The following HUWE1 variants were observed in gnomAD, a reference collection of about 807,000 sequenced individuals.
HUWE1 encodes the protein E3 ubiquitin-protein ligase HUWE1.
Under a neutral mutation model 299.4 loss-of-function variants are expected in HUWE1, and 18 were observed. The ratio of observed to expected loss-of-function variants is 0.06; its 90% CI spans 0.04 to 0.09. The LOEUF (loss-of-function observed/expected upper bound fraction) is 0.09, where lower values mean the gene tolerates loss of function less well. Ranked by LOEUF, HUWE1 falls within the 10% of genes least tolerant of loss-of-function variation. The probability of loss-of-function intolerance (pLI) is 1.00; values close to 1 mark genes in which losing one functional copy is unlikely to be tolerated. For synonymous variants in HUWE1, 1,317 were observed against 1,286.1 expected (o/e 1.02, Z -0.51); for missense variants, 1,832 against 3,462.3 (o/e 0.53, Z 11.82).
chrX:53,533,965 C>A, intron 83 of HUWE1, 42 bp downstream of exon 83: 1 of 1,154,849 alleles, frequency 8.7e-7, no homozygotes, highest in Non-Finnish European at 1.2e-6. Flanking sequence ...TATGCAAGCT[C>A]AACCTAAGCA....
At chrX:53,607,811 G>C (rs893415238) in intron 24 of HUWE1, 112 bp from the exon 25 acceptor site, 1 of 520,205 alleles carries the variant, frequency 1.9e-6, no homozygotes, top group East Asian at 3.6e-5. Flanking sequence ...GTTTTCTATA[G>C]AGTATCAAAA....
chrX:53,584,569 ATCCCTAACCAC>A (rs1440984583), intron 40 of HUWE1, among the ~76,000 whole-genome samples: 1 of 111,390 alleles, frequency 9.0e-6, no homozygotes, highest in African/African-American at 3.3e-5. Flanking sequence ...AGCAAATACC[ATCCCTAACCAC>A]TCCCTAGCCC....
chrX:53,592,317 ATG>A, intron 33 of HUWE1, 79 bp downstream of exon 33: 2 of 661,766 alleles, frequency 3.0e-6, no homozygotes, highest in Non-Finnish European at 5.0e-6. Flanking sequence ...ACTCAGTGGT[ATG>A]TGAGCTTAGA....
intron 25 of HUWE1, among the ~76,000 whole-genome samples, chrX:53,605,770 A>C (rs1417270518): frequency 8.9e-6 from 1 of 111,993 alleles, no homozygotes; most frequent in Non-Finnish European, 1.9e-5. Context: ...TTTGATTTCT[A>C]TTACAAAGTT....
At chrX:53,603,306 C>G in intron 27 of HUWE1, 62 bp downstream of exon 27, 1 of 1,141,167 alleles carries the variant, frequency 8.8e-7, no homozygotes, top group South Asian at 1.9e-5. Flanking sequence ...CCAACCAAAG[C>G]AATCCTCCAG....
chrX:53,665,432 C>T (rs58643278), intron 3 of HUWE1, among the ~76,000 whole-genome samples: 1 of 111,986 alleles, frequency 8.9e-6, no homozygotes, highest in Non-Finnish European at 1.9e-5. Flanking sequence ...TATGCTTAAG[C>T]AAGGAAAATA....
intron 4 of HUWE1, 114 bp downstream of exon 4, chrX:53,653,949 T>G (rs954352690): frequency 8.6e-5 from 46 of 533,219 alleles, no homozygotes; most frequent in African/African-American, 8.1e-4. Flanking sequence ...GTTGTTTTAC[T>G]GCCTTTTGTA....
At chrX:53,656,767 G>A (rs1412140500) in intron 3 of HUWE1, among the ~76,000 whole-genome samples, 3 of 110,166 alleles carry the variant, frequency 2.7e-5, no homozygotes, top group Non-Finnish European at 3.8e-5. Flanking sequence ...AATAAAAGAG[G>A]GAGGAATTGA....
chrX:53,651,002 T>C (rs1235205489), intron 4 of HUWE1, among the ~76,000 whole-genome samples: 1 of 111,386 alleles, frequency 9.0e-6, no homozygotes, highest in Non-Finnish European at 1.9e-5. Flanking sequence ...TGCTGGACGT[T>C]TACTGGGTTT....
intron 29 of HUWE1, among the ~76,000 whole-genome samples, chrX:53,599,218 T>TTCTCTTGCTTTG (rs1556987833): frequency 1.1e-3 from 124 of 112,789 alleles, no homozygotes; most frequent in Admixed American, 2.1e-3. Flanking sequence ...GAGAGAAATA[T>TTCTCTTGCTTTG]GAACATCTTC....
chrX:53,682,058 C>T (rs2070188334), intron 2 of HUWE1, among the ~76,000 whole-genome samples: 1 of 111,764 alleles, frequency 8.9e-6, no homozygotes, highest in Non-Finnish European at 1.9e-5. Context: ...TAGAAATACA[C>T]CAAGAATGTA....
chrX:53,572,745 T>C (rs1196827154), intron 47 of HUWE1, among the ~76,000 whole-genome samples: 1 of 112,133 alleles, frequency 8.9e-6, no homozygotes, highest in African/African-American at 3.2e-5. Flanking sequence ...TTACCAATAC[T>C]GCTACCACAT....
Position 53,647,551 on chromosome X carries a change from G to T in HUWE1, c.168C>A (p.Asp56Glu). ...IGKCELYHWV[D>E]LLDRFDGILA... ...GTATTCCATCGAAGCGGTCCAACAG[G>T]TCCACCCAGTGATATAACTCGCACT... The change falls in exon 6 of 84, where the codon GAC becomes GAA. Residue 56 changes from aspartate to glutamate, a missense_variant. By Grantham distance (45) the Asp-to-Glu change is conservative. Around this residue, in one of 15 missense-constraint regions of HUWE1, gnomAD observed 658 missense variants for 1,282.6 expected, o/e 0.51. Transcript: ENST00000262854. 8.3e-7 allele frequency: 1 copy of T among 1,205,380 alleles called. No individual in the cohort carries two copies. Among genetic ancestry groups the T allele is most frequent in the Non-Finnish European group, 1.1e-6 (1 of 889,629 alleles).
chrX:53,644,247 G>T (rs1247161500), intron 7 of HUWE1, among the ~76,000 whole-genome samples: 3 of 112,369 alleles, frequency 2.7e-5, no homozygotes, highest in African/African-American at 9.7e-5. Flanking sequence ...GAATCCAATG[G>T]AAATGCCTCA....
intron 3 of HUWE1, among the ~76,000 whole-genome samples, chrX:53,660,174 T>G (rs2068928714): frequency 1.8e-5 from 2 of 111,918 alleles, no homozygotes; most frequent in Admixed American, 1.9e-4. Flanking sequence ...CTAGGGAGCC[T>G]GGAACTACAG....
At chrX:53,594,371 C>G in intron 31 of HUWE1, 128 bp downstream of exon 31, 1 of 751,704 alleles carries the variant, frequency 1.3e-6, no homozygotes, top group Non-Finnish European at 2.0e-6. Context: ...CTGAAGGATA[C>G]AACCAATAGC....
In HUWE1 at chrX:53,628,822, G is replaced by C; in HGVS notation, c.1044C>G (p.Asp348Glu). The C allele has an allele frequency of 8.3e-7, 1 of 1,208,844 alleles. No homozygotes were observed. The highest frequency in any genetic ancestry group is 3.0e-5 in the East Asian group (1 of 33,851). ...ERTPKLSSII[D>E]CTGTASYHGF... The stretch of plus-strand genomic sequence containing the variant: ...CATGGTAGGAGGCAGTTCCAGTACA[G>C]TCAATAATACTGCTGAGTTTGGGAG... Residue 348 changes from aspartate to glutamate, a missense_variant, in exon 14 of 84, where the codon GAC (aspartate) becomes GAG (glutamate). Physicochemically the swap from Asp to Glu is conservative, Grantham distance 45. This residue lies in a region of HUWE1 where 658 missense variants were observed against 1,282.6 expected (regional missense o/e 0.51). Transcript: ENST00000262854.
chrX:53,593,576 C>G lies in HUWE1; in HGVS notation c.3529G>C (p.Gly1177Arg). 1 of 1,206,799 alleles carries G rather than the reference C, an allele frequency of 8.3e-7. No homozygotes were observed. The highest frequency in any genetic ancestry group is 1.1e-6 in the Non-Finnish European group (1 of 891,037). Residue 1177 changes from glycine to arginine, a missense_variant, in exon 32 of 84, where the codon GGA (glycine) becomes CGA (arginine). Transcript: ENST00000262854. ...CCCTCAGAAACAGGAACTTTACCTC[C>G]CATGGACAGAGCCCAGTTGAAAGTT... The part of the protein sequence containing the change: ...FETFNWALSM[G>R]GKVPVSEGLE...
chrX:53,654,221 G>A, intron 3 of HUWE1, 90 bp from the exon 4 acceptor site: 2 of 582,427 alleles, frequency 3.4e-6, no homozygotes, highest in African/African-American at 2.2e-5. Context: ...AGAATGAAGA[G>A]CAATGCAAAA....
Sources: allele counts gnomAD v4.1 joint callset (sites outside exome capture counted in the v4.1 genomes callset), GRCh38; gene constraint gnomAD v4.1.1; regional missense constraint gnomAD v4.1.1; transcripts MANE v1.5; gene names NCBI Gene and HGNC (gene_info 2026-07-23, HGNC 2026-07-21).